RBFOX1: variants seen among roughly 807,000 people sequenced by gnomAD.
RBFOX1 encodes RNA binding protein fox-1 homolog 1.
A neutral mutation model predicts 57.7 loss-of-function variants in RBFOX1; 8 were observed. The observed-to-expected ratio is 0.14, with a 90% confidence interval of 0.08 to 0.25. The LOEUF (loss-of-function observed/expected upper bound fraction) is 0.25. RBFOX1 is among the 10% of genes least tolerant of loss of function. RBFOX1 has a pLI of 1.00. For synonymous variants in RBFOX1, 326 were observed against 222.4 expected, an observed-to-expected ratio of 1.47 and a Z score of -4.15; for missense variants, 611 against 548.5, an observed-to-expected ratio of 1.11 and a Z score of -1.14.
intron 3 of RBFOX1, among the ~76,000 whole-genome samples, chr16:6,662,625 C>T (rs760684039): frequency 3.3e-5 from 5 of 151,614 alleles, no homozygotes; most frequent in Non-Finnish European, 7.4e-5. Context: ...CTTGAGACTA[C>T]ATCAAAGACA....
chr16:6,432,728 C>G (rs909382046), intron 2 of RBFOX1, among the ~76,000 whole-genome samples: 1 of 151,832 alleles, frequency 6.6e-6, no homozygotes, highest in African/African-American at 2.4e-5. Flanking sequence ...GTCTGTAATC[C>G]CAGCACTTTA....
intron 3 of RBFOX1, among the ~76,000 whole-genome samples, chr16:6,991,262 G>A (rs542573924): frequency 1.1e-4 from 17 of 151,638 alleles, no homozygotes; most frequent in African/African-American, 2.2e-4. Context: ...ACCATGCCAC[G>A]TCACTCCAGC....
intron 14 of RBFOX1, among the ~76,000 whole-genome samples, chr16:7,680,745 T>C (rs58727015): frequency 6.6e-6 from 1 of 152,200 alleles, no homozygotes; most frequent in African/African-American, 2.4e-5. Flanking sequence ...TCACTGCTAA[T>C]GTAGAGTTAG....
chr16:6,682,411 A>G (rs1192182693), intron 3 of RBFOX1, among the ~76,000 whole-genome samples: 5 of 130,796 alleles, frequency 3.8e-5, no homozygotes, highest in Non-Finnish European at 6.3e-5. Flanking sequence ...TGTGAAGACT[A>G]AAAAAAAAGT....
intron 3 of RBFOX1, among the ~76,000 whole-genome samples, chr16:5,730,099 A>C (rs577898322): frequency 1.3e-5 from 2 of 152,230 alleles, no homozygotes; most frequent in East Asian, 3.9e-4. Flanking sequence ...CTCAGAACTT[A>C]CCTGTCAGTG....
intron 3 of RBFOX1, among the ~76,000 whole-genome samples, chr16:6,676,047 A>G (rs555911127): frequency 6.6e-6 from 1 of 152,124 alleles, no homozygotes; most frequent in African/African-American, 2.4e-5. Flanking sequence ...GGTTTAAAGG[A>G]AAACTGAAGG....
intron 4 of RBFOX1, among the ~76,000 whole-genome samples, chr16:7,339,427 G>C (rs2096851763): frequency 6.6e-6 from 1 of 152,052 alleles, no homozygotes; most frequent in Non-Finnish European, 1.5e-5. Context: ...GAGAAGGAGA[G>C]AGGAAAGATA....
chr16:6,413,014 C>G (rs1417178277), intron 2 of RBFOX1, among the ~76,000 whole-genome samples: 2 of 152,162 alleles, frequency 1.3e-5, no homozygotes, highest in Non-Finnish European at 2.9e-5. Flanking sequence ...ACACCAGGCT[C>G]AGCTATTTTT....
At chr16:5,718,981 A>AAAC (rs1171576281) in intron 3 of RBFOX1, among the ~76,000 whole-genome samples, 1 of 151,854 alleles carries the variant, frequency 6.6e-6, no homozygotes, top group Non-Finnish European at 1.5e-5. Context: ...GTTAAAAAAA[A>AAAC]AAAACAATAT....
At chr16:7,023,888 T>C (rs2040097078) in intron 3 of RBFOX1, among the ~76,000 whole-genome samples, 1 of 152,094 alleles carries the variant, frequency 6.6e-6, no homozygotes, top group South Asian at 2.1e-4. Flanking sequence ...TCAAAGTATA[T>C]CGAGTTTGGA....
chr16:7,203,738 T>C (rs1236277945), intron 4 of RBFOX1, among the ~76,000 whole-genome samples: 1 of 152,180 alleles, frequency 6.6e-6, no homozygotes, highest in Non-Finnish European at 1.5e-5. Context: ...TTTGCAAATA[T>C]CTGCTTGGTT....
At chr16:5,963,325 A>G (rs17134936) in intron 4 of RBFOX1, among the ~76,000 whole-genome samples, 6,300 of 152,248 alleles carry the variant, frequency 0.041, 487 homozygotes, top group African/African-American at 0.14. Flanking sequence ...CATTCCCACC[A>G]TTGCCATTCT....
intron 1 of RBFOX1, among the ~76,000 whole-genome samples, chr16:5,387,390 A>G (rs974463651): frequency 6.6e-6 from 1 of 152,114 alleles, no homozygotes; most frequent in Non-Finnish European, 1.5e-5. Context: ...TGGCATGGTG[A>G]CTCTGTAAAG....
chr16:6,694,968 G>A (rs1308630575), intron 3 of RBFOX1, among the ~76,000 whole-genome samples: 1 of 151,894 alleles, frequency 6.6e-6, no homozygotes, highest in Non-Finnish European at 1.5e-5. Flanking sequence ...TACCACAGGT[G>A]TCACTGTAGG....
chr16:6,626,286 C>G (rs2098305520), intron 2 of RBFOX1, among the ~76,000 whole-genome samples: 1 of 152,006 alleles, frequency 6.6e-6, no homozygotes, highest in African/African-American at 2.4e-5. Flanking sequence ...GGCCATGTGA[C>G]TCTTGCACTA....
chr16:6,241,161 G>T (rs370865705), intron 1 of RBFOX1, among the ~76,000 whole-genome samples: 1 of 152,138 alleles, frequency 6.6e-6, no homozygotes. Context: ...GCACCCCAAC[G>T]CCCCTGCCAG....
chr16:5,319,035 G>C (rs1173018367), intron 1 of RBFOX1, among the ~76,000 whole-genome samples: 1 of 152,172 alleles, frequency 6.6e-6, no homozygotes, highest in African/African-American at 2.4e-5. Flanking sequence ...GCTGAGGCAG[G>C]AGAATTGCTT....
intron 1 of RBFOX1, among the ~76,000 whole-genome samples, chr16:5,379,360 G>A (rs958784606): frequency 2.0e-5 from 3 of 151,478 alleles, no homozygotes; most frequent in African/African-American, 4.9e-5. Flanking sequence ...CACACCCCCA[G>A]CCCAGGAAGT....
intron 2 of RBFOX1, among the ~76,000 whole-genome samples, chr16:5,520,543 C>T (rs1489845960): frequency 6.6e-6 from 1 of 152,200 alleles, no homozygotes; most frequent in Non-Finnish European, 1.5e-5. Flanking sequence ...CTTCCTATAT[C>T]CTTCTGCTGA....
Sources: allele counts gnomAD v4.1 joint callset (sites outside exome capture counted in the v4.1 genomes callset), GRCh38; gene constraint gnomAD v4.1.1; transcripts MANE v1.5; gene names NCBI Gene and HGNC (gene_info 2026-07-23, HGNC 2026-07-21).